The following SESN3 variants were observed in gnomAD, a reference collection of about 807,000 sequenced individuals.
The protein encoded by SESN3 is sestrin 3.
Under a neutral mutation model 55.3 loss-of-function variants are expected in SESN3, and 21 were observed. The ratio of observed to expected loss-of-function variants is 0.38; its 90% confidence interval spans 0.27 to 0.55. SESN3 has a LOEUF of 0.55. SESN3 is among the 20% of genes least tolerant of loss of function. The pLI, the probability that SESN3 is intolerant of heterozygous loss-of-function variation, is 0.76. For missense variants in SESN3, 408 were observed against 604.3 expected (o/e 0.68, Z 3.41); for synonymous variants, 181 against 203.1 (o/e 0.89, Z 0.93).
rs532746994 is a variant in SESN3, at chr11:95,184,925, G to T, written c.762+331C>A. On this transcript the variant is annotated intron_variant, in intron 5 of 9. Coordinates refer to ENST00000536441, the MANE Select transcript of SESN3 (RefSeq NM_144665.4). The stretch of plus-strand genomic sequence containing the variant: ...TTGTTTTACTTTTTGCTGTCATAAG[G>T]TATGTTTTCCATTGGTTGTTCCAGC... Among the ~76,000 whole-genome samples the T allele has an allele frequency of 6.6e-5, 10 of 151,994 alleles. No individual in the cohort carries two copies. In the East Asian group the frequency reaches 1.9e-3, roughly 29 times the overall value.
chr11:95,188,431 A>G (rs544590528), intron 4 of SESN3, among the ~76,000 whole-genome samples: 1 of 151,890 alleles, frequency 6.6e-6, no homozygotes, highest in Non-Finnish European at 1.5e-5. Flanking sequence ...CCTGAGTACC[A>G]TAACATAACC....
At chr11:95,211,612 A>T (rs1430699189) in intron 1 of SESN3, among the ~76,000 whole-genome samples, 1 of 152,144 alleles carries the variant, frequency 6.6e-6, no homozygotes, top group African/African-American at 2.4e-5. Context: ...CCAAAAAAAA[A>T]TACAAAAATT....
intron 9 of SESN3, among the ~76,000 whole-genome samples, chr11:95,173,798 T>G (rs1859900881): frequency 6.6e-6 from 1 of 152,132 alleles, no homozygotes; most frequent in African/African-American, 2.4e-5. Context: ...GTTTAAAGTT[T>G]CTGATTAGTG....
chr11:95,199,679 G>A (rs928395026), intron 1 of SESN3, among the ~76,000 whole-genome samples: 3 of 151,852 alleles, frequency 2.0e-5, no homozygotes, highest in African/African-American at 7.3e-5. Flanking sequence ...GCTATTAAAT[G>A]CTTTAAAATA....
chr11:95,171,003 G>A lies in SESN3; in HGVS notation c.*2252C>T, dbSNP rs1859839684. 1 of 152,054 alleles carries A rather than the reference G, an allele frequency of 6.6e-6. No individual in the cohort carries two copies. The highest frequency in any genetic ancestry group is 1.5e-5 in the Non-Finnish European group (1 of 68,004). The allele number at this position is 152,054 out of a possible 1,614,324, so 9.4% of individuals were successfully genotyped here. A position where few individuals can be genotyped will look rare whatever the true frequency, so the allele number is the denominator to read the frequency against. ...TACTTAAACCTTGTTTCCCCTTTTG[G>A]TCTAAAGCTCATATGGTGTTCTGTG... On this transcript the variant is annotated 3_prime_UTR_variant, in exon 10 of 10. Transcript: ENST00000536441.
rs1413692456 is a variant in SESN3, at chr11:95,170,095, C to T, written c.*3160G>A. ...TGGGACTGAGACAATGTACTTAGTT[C>T]AAAAAGGGGAAGGAGGTAATAAGCT... On this transcript the variant is annotated 3_prime_UTR_variant, in exon 10 of 10. Coordinates refer to ENST00000536441, the MANE Select transcript of SESN3 (RefSeq NM_144665.4). 6.6e-6 allele frequency: 1 copy of T among 151,962 alleles called. No individual in the cohort carries two copies. Among genetic ancestry groups the T allele is most frequent in the African/African-American group, 2.4e-5 (1 of 41,370 alleles). 9.4% of individuals were successfully genotyped at this position (151,962 alleles called of 1,614,324 possible). A position where few individuals can be genotyped will look rare whatever the true frequency, so the allele number is the denominator to read the frequency against.
intron 6 of SESN3, among the ~76,000 whole-genome samples, chr11:95,181,783 CTT>C (rs1400377526): frequency 6.6e-6 from 1 of 151,980 alleles, no homozygotes; most frequent in Non-Finnish European, 1.5e-5. Flanking sequence ...CAAACCAAGA[CTT>C]TTTTAATACC....
At chr11:95,184,700 G>A (rs973912465) in intron 5 of SESN3, 106 bp from the exon 6 acceptor site, 6 of 985,630 alleles carry the variant, frequency 6.1e-6, no homozygotes, top group African/African-American at 4.9e-5. Flanking sequence ...AACAGGCACA[G>A]TTATGAAGTT....
chr11:95,184,350 T>A lies in SESN3; in HGVS notation c.937+70A>T, dbSNP rs545452040. On this transcript the variant is annotated intron_variant, in intron 6 of 9. Coordinates refer to ENST00000536441, the MANE Select transcript of SESN3 (RefSeq NM_144665.4). ...GCAGAATCATTTTTACATATCCACA[T>A]GGAAAACACTGAAGTTGCCCTGTCA... is the stretch of plus-strand genomic sequence containing the variant. 465 of 1,277,414 alleles carry A rather than the reference T, an allele frequency of 3.6e-4. 1 individual carries two copies. The highest frequency in any genetic ancestry group is 4.9e-4 in the Non-Finnish European group (430 of 884,696). The allele number at this position is 1,277,414 out of a possible 1,614,324, so 79.1% of individuals were successfully genotyped here.
intron 1 of SESN3, among the ~76,000 whole-genome samples, chr11:95,222,588 C>G (rs111531340): frequency 3.9e-5 from 6 of 152,188 alleles, no homozygotes; most frequent in African/African-American, 1.2e-4. Context: ...ACAATAAACT[C>G]TCCATTAACT....
intron 1 of SESN3, among the ~76,000 whole-genome samples, chr11:95,217,216 A>C (rs2134262483): frequency 6.6e-6 from 1 of 152,344 alleles, no homozygotes; most frequent in Non-Finnish European, 1.5e-5. Flanking sequence ...ACAAGATAAA[A>C]GACAGATAAG....
chr11:95,195,465 T>C (rs1860343943), intron 1 of SESN3, among the ~76,000 whole-genome samples: 1 of 152,184 alleles, frequency 6.6e-6, no homozygotes, highest in Non-Finnish European at 1.5e-5. Flanking sequence ...TAATTGAGCA[T>C]CTACAATGTG....
At chr11:95,190,062 A>G (rs1860237111) in intron 3 of SESN3, 101 bp from the exon 4 acceptor site, 1 of 784,558 alleles carries the variant, frequency 1.3e-6, no homozygotes, top group Admixed American at 3.3e-5. Context: ...TGATTTTTAT[A>G]GCCAGTACCT....
Position 95,182,226 on chromosome 11 carries a change from G to C in SESN3, c.937+2194C>G, listed in dbSNP as rs887026286. The C allele has an allele frequency of 2.5e-4, 65 of 255,172 alleles. 1 individual carries two copies. The highest frequency in any genetic ancestry group is 9.5e-5 in the Non-Finnish European group (12 of 126,538). 15.8% of individuals were successfully genotyped at this position (255,172 alleles called of 1,614,324 possible). A position where few individuals can be genotyped will look rare whatever the true frequency, so the allele number is the denominator to read the frequency against. On this transcript the variant is annotated intron_variant, in intron 6 of 9. Coordinates refer to ENST00000536441, the MANE Select transcript of SESN3 (RefSeq NM_144665.4). The stretch of plus-strand genomic sequence containing the variant: ...TTCAAGCTTTAGTGATCTTAATGAA[G>C]CTCTTAAAAATTAATTTCTGAAAAC...
At position 95,173,356 on chromosome 11, in the gene SESN3, G is replaced by A. The variant is rs116592584; in HGVS notation, c.1393-15C>T. On this transcript the variant is annotated splice_polypyrimidine_tract_variant and intron_variant, in intron 9 of 9. Transcript: ENST00000536441. ...TTGACATGAACCTAGAAGTGAAAATGTTATCAGTTTAGTAACCATTATAAA... is the reference window on the plus strand; with the variant it reads ...TTGACATGAACCTAGAAGTGAAAATATTATCAGTTTAGTAACCATTATAAA... The A allele has an allele frequency of 1.6e-3, 2,495 of 1,549,992 alleles. 24 individuals carry two copies. In the African/African-American group the frequency reaches 0.027, roughly 17 times the overall value.
intron 6 of SESN3, among the ~76,000 whole-genome samples, chr11:95,179,773 T>A (rs1860026979): frequency 6.6e-6 from 1 of 152,076 alleles, no homozygotes; most frequent in African/African-American, 2.4e-5. Context: ...TTTCTATGCA[T>A]ATGAAAACAA....
chr11:95,170,911 A>G lies in SESN3; in HGVS notation c.*2344T>C, dbSNP rs1299355750. Reference sequence around the variant, plus strand: ...CTATTAAAGGCACTAATATTTCCATAGCCTAAACTCCAACTACTTACATTT... The same window carrying G: ...CTATTAAAGGCACTAATATTTCCATGGCCTAAACTCCAACTACTTACATTT... On this transcript the variant is annotated 3_prime_UTR_variant, in exon 10 of 10. Transcript: ENST00000536441. The G allele has an allele frequency of 1.3e-5, 2 of 152,204 alleles. No homozygotes were observed. The highest frequency in any genetic ancestry group is 2.9e-5 in the Non-Finnish European group (2 of 68,036). The allele number at this position is 152,204 out of a possible 1,614,324, so 9.4% of individuals were successfully genotyped here.
intron 1 of SESN3, among the ~76,000 whole-genome samples, chr11:95,217,141 T>G (rs1182444470): frequency 6.6e-6 from 1 of 151,688 alleles, no homozygotes; most frequent in African/African-American, 2.4e-5. Flanking sequence ...TTTCCACTAC[T>G]ATATGCTTAT....
chr11:95,192,414 G>T, intron 2 of SESN3, among the ~76,000 whole-genome samples: 1 of 151,996 alleles, frequency 6.6e-6, no homozygotes, highest in East Asian at 1.9e-4. Flanking sequence ...TCTAAGAGTG[G>T]TTCATTGTTT....
Sources: allele counts gnomAD v4.1 joint callset (sites outside exome capture counted in the v4.1 genomes callset), GRCh38; gene constraint gnomAD v4.1.1; transcripts MANE v1.5; gene names NCBI Gene and HGNC (gene_info 2026-07-23, HGNC 2026-07-21).